TSC1: variants seen among roughly 807,000 people sequenced by gnomAD.
TSC1 encodes hamartin.
A neutral mutation model predicts 124.3 loss-of-function variants in TSC1; 20 were observed. The ratio of observed to expected loss-of-function variants is 0.16; its 90% CI spans 0.11 to 0.23. TSC1 has a LOEUF of 0.23. Among genes scored for constraint, TSC1 ranks in the 10% least tolerant of loss-of-function variants. The pLI is 1.00. For synonymous variants in TSC1, 493 were observed against 539.1 expected, an observed-to-expected ratio of 0.91 and a Z score of 1.19; for missense variants, 1,124 against 1,448.5, an observed-to-expected ratio of 0.78 and a Z score of 3.64.
At position 132,897,481 on chromosome 9, in the gene TSC1, T is replaced by C. The variant is rs1319954878; in HGVS notation, c.2755A>G (p.Lys919Glu). 2 of 1,614,196 alleles carry C rather than the reference T, an allele frequency of 1.2e-6. No individual in the cohort carries two copies. The highest frequency in any genetic ancestry group is 1.7e-6 in the Non-Finnish European group (2 of 1,180,034). The change falls in exon 21 of 23, where the codon AAA (lysine) becomes GAA (glutamate). Residue 919 changes from lysine (K) to glutamate (E), a missense_variant. Lys to Glu is a moderately conservative substitution (Grantham distance 56). Around this residue, in one of 5 missense-constraint regions of TSC1, gnomAD observed 325 missense variants for 383.4 expected, o/e 0.85. Coordinates refer to ENST00000298552, the MANE Select transcript of TSC1 (RefSeq NM_000368.5). ...TTCTGTTCCAAAAGAAGGTGGTCTTTCTTGGCCAGGTGAGATTCCAGTTCC... is the reference window on the plus strand; with the variant it reads ...TTCTGTTCCAAAAGAAGGTGGTCTTCCTTGGCCAGGTGAGATTCCAGTTCC... ...ILELESHLAK[K>E]DHLLLEQKKY...
chr9:132,898,993 C>T (rs1845230432), intron 20 of TSC1: 1 of 152,288 alleles, frequency 6.6e-6, no homozygotes, highest in African/African-American at 2.4e-5. Context: ...GTGGCGTGAT[C>T]TCGGCCCACT....
rs1846701688 is a variant in TSC1, at chr9:132,923,814, T to C, written c.364-322A>G. 7.1e-6 allele frequency: 2 copies of C among 280,482 alleles called. No homozygotes were observed. The highest frequency in any genetic ancestry group is 4.3e-5 in the African/African-American group (2 of 46,126). The allele number at this position is 280,482 out of a possible 1,614,324, so 17.4% of individuals were successfully genotyped here. On this transcript the variant is annotated intron_variant, in intron 5 of 22. Transcript: ENST00000298552. This position sits in a 1 kb window ranked among gnomAD's most constrained non-coding sequence, Gnocchi z 4.2. ...CTTAGGATGCCCTATTGATAGCAGT[T>C]GGATGAAAACAAAAGGAGCTGCTTT...
chr9:132,926,136 A>T, intron 4 of TSC1: 1 of 263,396 alleles, frequency 3.8e-6, no homozygotes, highest in Non-Finnish European at 7.4e-6. Flanking sequence ...TCAATTAGGT[A>T]GTAGAAGTTA....
chr9:132,944,299 G>A (rs910094537), intron 1 of TSC1, among the ~76,000 whole-genome samples: 6 of 152,124 alleles, frequency 3.9e-5, no homozygotes, highest in Non-Finnish European at 5.9e-5. Flanking sequence ...GCCAAGGAGG[G>A]GCGAAGTGCT....
intron 3 of TSC1, among the ~76,000 whole-genome samples, chr9:132,927,974 G>A (rs1475284993): frequency 5.3e-5 from 8 of 152,170 alleles, no homozygotes; most frequent in Admixed American, 3.9e-4. Flanking sequence ...AGTTTAGAGT[G>A]TGTCTCTTCA....
At chr9:132,898,597 G>A (rs1311084522) in intron 20 of TSC1, among the ~76,000 whole-genome samples, 2 of 152,162 alleles carry the variant, frequency 1.3e-5, no homozygotes, top group East Asian at 1.9e-4. Context: ...TAAATGGCTC[G>A]ACTTCAGCAC....
At position 132,908,901 on chromosome 9, in the gene TSC1, C is replaced by CTTTTTTTTTT. The variant is rs35234317; in HGVS notation, c.1264-1541_1264-1532dup. On this transcript the variant is annotated intron_variant, in intron 12 of 22. Coordinates refer to ENST00000298552, the MANE Select transcript of TSC1 (RefSeq NM_000368.5). ...TTAAAACCCACTAGTCTACCTTGCA[C>CTTTTTTTTTT]TTTTTTTTTTTTTTTTTGTGACAGT... Among the ~76,000 whole-genome samples, 105 of 121,504 alleles carry CTTTTTTTTTT rather than the reference C, an allele frequency of 8.6e-4. 4 individuals are homozygous for CTTTTTTTTTT. The highest frequency in any genetic ancestry group is 2.8e-3 in the African/African-American group (84 of 30,142). The allele number at this position is 121,504 out of a possible 152,430, so 79.7% of individuals were successfully genotyped here. A position where few individuals can be genotyped will look rare whatever the true frequency, so the allele number is the denominator to read the frequency against.
At chr9:132,920,231 C>T (rs1358186609) in intron 8 of TSC1, among the ~76,000 whole-genome samples, 1 of 152,196 alleles carries the variant, frequency 6.6e-6, no homozygotes, top group African/African-American at 2.4e-5. Context: ...CTCCTGGAAA[C>T]CTTCAACTAC....
rs2131605173 is a variant in TSC1 at position 132,896,575 on chromosome 9, G to A, written c.3155C>T (p.Pro1052Leu). The change falls in exon 23 of 23, where the codon CCA (proline) becomes CTA (leucine). Residue 1052 changes from proline (P) to leucine (L), a missense_variant. Around this residue, in one of 5 missense-constraint regions of TSC1, gnomAD observed 325 missense variants for 383.4 expected, o/e 0.85. Coordinates refer to ENST00000298552, the MANE Select transcript of TSC1 (RefSeq NM_000368.5). This position sits in a 1 kb window ranked among gnomAD's most constrained non-coding sequence, Gnocchi z 4.5. ...GCTGAATGGGCCTGCCCTCTGGTGT[G>A]GGGGTTTCTCTGGGGTAGAAAGCTC... ...SSELSTPEKP[P>L]HQRAGPFSSR... 1.9e-6 allele frequency: 3 copies of A among 1,614,048 alleles called. No homozygotes were observed. The highest frequency in any genetic ancestry group is 1.1e-5 in the South Asian group (1 of 91,070).
chr9:132,928,671 A>C, intron 3 of TSC1, 96 bp downstream of exon 3: 1 of 1,524,992 alleles, frequency 6.6e-7, no homozygotes, highest in Non-Finnish European at 8.9e-7. Flanking sequence ...ACTTTTCAGA[A>C]GATGAAAACT....
At chr9:132,911,625 T>TAAAAAAAAAAAAAAA (rs11364856) in intron 9 of TSC1, 57 bp from the exon 10 acceptor site, 2 of 147,470 alleles carry the variant, frequency 1.4e-5, no homozygotes, top group South Asian at 6.5e-5. Flanking sequence ...TTATTCTGGT[T>TAAAAAAAAAAAAAAA]AAAAAAAAAA....
intron 9 of TSC1, 39 bp downstream of exon 9, chr9:132,912,242 CA>C: frequency 6.2e-7 from 1 of 1,610,016 alleles, no homozygotes; most frequent in Non-Finnish European, 8.5e-7. Flanking sequence ...TTTCCAGAGA[CA>C]AAGTTGCAAA....
chr9:132,897,853 C>A (rs1382174675), intron 20 of TSC1, among the ~76,000 whole-genome samples: 1 of 152,152 alleles, frequency 6.6e-6, no homozygotes, highest in East Asian at 1.9e-4. Context: ...CAAAAATAAT[C>A]ATCACAGCAT....
chr9:132,900,619 A>G, intron 20 of TSC1, 96 bp downstream of exon 20: 2 of 1,595,416 alleles, frequency 1.3e-6, no homozygotes, highest in Non-Finnish European at 1.7e-6. Context: ...TTTAGGAAAT[A>G]AGTCATCAAG....
In TSC1 at chr9:132,893,973, G is replaced by C. The variant is rs1844897325; in HGVS notation, c.*2262C>G. The C allele has an allele frequency of 4.3e-6, 1 of 233,202 alleles. No homozygotes were observed. The highest frequency in any genetic ancestry group is 5.6e-5 in the Admixed American group (1 of 17,760). The allele number at this position is 233,202 out of a possible 1,614,324, so 14.4% of individuals were successfully genotyped here. A position where few individuals can be genotyped will look rare whatever the true frequency, so the allele number is the denominator to read the frequency against. On this transcript the variant is annotated 3_prime_UTR_variant, in exon 23 of 23. Coordinates refer to ENST00000298552, the MANE Select transcript of TSC1 (RefSeq NM_000368.5). ...GCAACATGAAAGCCTACATTTTTAG[G>C]TTGGGCACCTTCAACATGACTCCAG...
intron 8 of TSC1, among the ~76,000 whole-genome samples, chr9:132,919,806 C>A (rs1459115203): frequency 5.3e-5 from 8 of 152,178 alleles, no homozygotes; most frequent in Admixed American, 3.9e-4. Context: ...ACAGGCATGT[C>A]TCAAAGTTCC....
intron 12 of TSC1, among the ~76,000 whole-genome samples, chr9:132,908,995 C>T (rs1482266737): frequency 2.0e-5 from 3 of 150,822 alleles, no homozygotes; most frequent in Non-Finnish European, 4.4e-5. Context: ...ACCTCCGCCT[C>T]CTGGGTTCAA....
At chr9:132,898,990 G>C (rs898437708) in intron 20 of TSC1, 1 of 152,278 alleles carries the variant, frequency 6.6e-6, no homozygotes, top group Non-Finnish European at 1.5e-5. Context: ...GCAGTGGCGT[G>C]ATCTCGGCCC....
intron 15 of TSC1, 144 bp downstream of exon 15, chr9:132,905,437 C>T (rs1845597049): frequency 4.4e-6 from 5 of 1,144,930 alleles, no homozygotes; most frequent in Middle Eastern, 2.8e-4. Flanking sequence ...ATGCAACAGC[C>T]TAGAAGGACA....
Sources: gnomAD v4.1 joint callset for allele counts (sites outside exome capture counted in the v4.1 genomes callset) on GRCh38, gnomAD v4.1.1 for gene constraint, gnomAD v4.1.1 regional missense constraint, Gnocchi (gnomAD v3.1) non-coding constraint, MANE v1.5 for transcripts, NCBI Gene and HGNC (gene_info 2026-07-23, HGNC 2026-07-21) for gene names.